The following SOX5 variants were observed in gnomAD, a reference collection of about 807,000 sequenced individuals.
SOX5 encodes transcription factor SOX-5.
SOX5 carries 9 observed loss-of-function variants against 92.0 expected under a neutral mutation model. The ratio of observed to expected loss-of-function variants is 0.10; its 90% confidence interval spans 0.06 to 0.17. The LOEUF is 0.17. SOX5 is among the 10% of genes least tolerant of loss of function. SOX5 has a pLI of 1.00. For missense variants in SOX5, 642 were observed against 944.5 expected (o/e 0.68, Z 4.20); for synonymous variants, 344 against 336.3 (o/e 1.02, Z -0.25).
chr12:23,726,639 A>G (rs747683685), intron 6 of SOX5, among the ~76,000 whole-genome samples: 34 of 152,276 alleles, frequency 2.2e-4, no homozygotes, highest in Admixed American at 3.9e-4. Flanking sequence ...GATAGTCCCT[A>G]TTTTGTTAAG....
At chr12:24,518,796 G>A (rs1260186063) in intron 1 of SOX5, among the ~76,000 whole-genome samples, 2 of 152,136 alleles carry the variant, frequency 1.3e-5, no homozygotes, top group African/African-American at 2.4e-5. Flanking sequence ...GGCAATCTCT[G>A]TTCAACCATA....
intron 3 of SOX5, among the ~76,000 whole-genome samples, chr12:23,781,676 C>T (rs1284600064): frequency 3.9e-5 from 6 of 152,038 alleles, no homozygotes; most frequent in African/African-American, 1.4e-4. Context: ...CTCTCTCTCT[C>T]TCTCTCCCCC....
chr12:23,713,643 G>A (rs957406586), intron 6 of SOX5, among the ~76,000 whole-genome samples: 8 of 146,842 alleles, frequency 5.4e-5, no homozygotes, highest in South Asian at 2.2e-4. Flanking sequence ...ATTCTCCAGT[G>A]TCTCTGTGTG....
At chr12:23,818,149 G>T (rs1468931372) in intron 3 of SOX5, among the ~76,000 whole-genome samples, 1 of 152,154 alleles carries the variant, frequency 6.6e-6, no homozygotes, top group African/African-American at 2.4e-5. Flanking sequence ...GTCATGCATT[G>T]CTTAACGACA....
At chr12:23,868,421 C>A (rs1000861861) in intron 2 of SOX5, among the ~76,000 whole-genome samples, 1 of 152,086 alleles carries the variant, frequency 6.6e-6, no homozygotes, top group Admixed American at 6.6e-5. Context: ...ATTTTCATAC[C>A]TGAGTAAGAA....
At chr12:23,562,520 G>C (rs185851781) in intron 11 of SOX5, among the ~76,000 whole-genome samples, 287 of 152,276 alleles carry the variant, frequency 1.9e-3, no homozygotes, top group Non-Finnish European at 3.1e-3. Flanking sequence ...AATTTATCTA[G>C]AGGATTCTGT....
intron 3 of SOX5, among the ~76,000 whole-genome samples, chr12:23,820,090 CTGT>C (rs1039758174): frequency 8.4e-4 from 128 of 152,328 alleles, no homozygotes; most frequent in African/African-American, 3.0e-3. Context: ...TCTGCAGCAT[CTGT>C]TGTTTCCTGA....
At chr12:24,219,521 A>T (rs903169506) in intron 3 of SOX5, among the ~76,000 whole-genome samples, 2 of 152,074 alleles carry the variant, frequency 1.3e-5, no homozygotes, top group Non-Finnish European at 2.9e-5. Flanking sequence ...TATCTATTTA[A>T]TCTTTAATTT....
chr12:24,428,358 C>G lies in SOX5; in HGVS notation c.-250-59719G>C, dbSNP rs138259467. ...CTACCTCTTCTGTTTCACCAAGCTT[C>G]AAGTCCATTTTTAAATTCAATGTGC... On this transcript the variant is annotated intron_variant, in intron 1 of 4. Transcript: ENST00000446891. Among the ~76,000 whole-genome samples the G allele has an allele frequency of 5.9e-5, 9 of 152,266 alleles. No homozygotes were observed. In the East Asian group the frequency reaches 1.7e-3, roughly 29 times the overall value.
At chr12:24,035,555 A>C (rs1955942376) in intron 4 of SOX5, among the ~76,000 whole-genome samples, 1 of 152,116 alleles carries the variant, frequency 6.6e-6, no homozygotes, top group African/African-American at 2.4e-5. Flanking sequence ...TTCTTCTTTT[A>C]ACAGAAACCA....
intron 4 of SOX5, among the ~76,000 whole-genome samples, chr12:23,999,611 TAAC>T (rs1295853409): frequency 6.6e-6 from 1 of 152,034 alleles, no homozygotes; most frequent in African/African-American, 2.4e-5. Context: ...CAGTAAAGCT[TAAC>T]AACAATTAAT....
chr12:23,773,557 A>T (rs2095003975), intron 3 of SOX5, among the ~76,000 whole-genome samples: 1 of 152,108 alleles, frequency 6.6e-6, no homozygotes, highest in Non-Finnish European at 1.5e-5. Context: ...TTTTTAGTAG[A>T]GACAGGGTTT....
At chr12:24,201,782 T>C (rs1221364919) in intron 4 of SOX5, among the ~76,000 whole-genome samples, 3 of 152,070 alleles carry the variant, frequency 2.0e-5, no homozygotes, top group East Asian at 1.9e-4. Context: ...ACCTGGGCCC[T>C]TGGAGACTGA....
intron 1 of SOX5, among the ~76,000 whole-genome samples, chr12:24,441,234 CAAAT>C (rs1214128537): frequency 1.3e-5 from 2 of 152,200 alleles, no homozygotes; most frequent in African/African-American, 2.4e-5. Context: ...CTGCACAAAA[CAAAT>C]AACCCTCTGC....
At chr12:24,539,546 A>T (rs1013879642) in intron 1 of SOX5, among the ~76,000 whole-genome samples, 3 of 152,078 alleles carry the variant, frequency 2.0e-5, no homozygotes, top group Non-Finnish European at 4.4e-5. Context: ...TTTGATCCCT[A>T]TTGTAATGCA....
Position 23,832,234 on chromosome 12 carries a change from TA to T in SOX5, c.481+13748del, listed in dbSNP as rs201873063. Among the ~76,000 whole-genome samples the T allele has an allele frequency of 9.9e-3, 1,496 of 150,934 alleles. 23 individuals carry two copies. Among genetic ancestry groups the T allele is most frequent in the African/African-American group, 0.034 (1,403 of 41,240 alleles). On this transcript the variant is annotated intron_variant, in intron 3 of 14. Transcript: ENST00000451604. ...AAGTTTCAATTTAATCCCCATTAAT[TA>T]AAAAAAAAATTTTGGAAAGTTGTTG...
chr12:23,821,593 AT>A (rs1422617298), intron 3 of SOX5, among the ~76,000 whole-genome samples: 2 of 151,586 alleles, frequency 1.3e-5, no homozygotes, highest in African/African-American at 4.8e-5. Context: ...GTGTTTTAGC[AT>A]GAGAAGGCCT....
At chr12:24,301,173 G>A (rs1187083234) in intron 2 of SOX5, among the ~76,000 whole-genome samples, 2 of 152,120 alleles carry the variant, frequency 1.3e-5, no homozygotes, top group East Asian at 3.9e-4. Flanking sequence ...ACATAAAGTC[G>A]CTGTTGATCC....
At chr12:23,804,144 T>A (rs1261133436) in intron 3 of SOX5, among the ~76,000 whole-genome samples, 1 of 152,142 alleles carries the variant, frequency 6.6e-6, no homozygotes, top group Non-Finnish European at 1.5e-5. Context: ...TAAACAAGCT[T>A]CTTAAGCCTC....
Sources: gnomAD v4.1 joint callset for allele counts (sites outside exome capture counted in the v4.1 genomes callset) on GRCh38, gnomAD v4.1.1 for gene constraint, MANE v1.5 for transcripts, NCBI Gene and HGNC (gene_info 2026-07-23, HGNC 2026-07-21) for gene names.